Variants in PRKCE observed in about 807,000 individuals in gnomAD.
PRKCE encodes the protein protein kinase C epsilon type.
PRKCE carries 16 observed loss-of-function variants against 85.4 expected under a neutral mutation model. The observed-to-expected ratio is 0.19, with a 90% CI of 0.13 to 0.28. The LOEUF (loss-of-function observed/expected upper bound fraction) is 0.28, where lower values mean the gene tolerates loss of function less well. PRKCE is among the 10% of genes least tolerant of loss of function. The probability of loss-of-function intolerance (pLI) is 1.00; values close to 1 mark genes in which losing one functional copy is unlikely to be tolerated. For synonymous variants in PRKCE, 388 were observed against 371.5 expected (o/e 1.04, Z -0.51); for missense variants, 573 against 975.2 (o/e 0.59, Z 5.49).
intron 11 of PRKCE, among the ~76,000 whole-genome samples, chr2:46,115,797 A>G (rs1428067380): frequency 6.6e-6 from 1 of 152,232 alleles, no homozygotes; most frequent in South Asian, 2.1e-4. Flanking sequence ...ACCCCATCAC[A>G]GAGGGTACCA....
chr2:46,037,288 G>C (rs571403958), intron 10 of PRKCE, among the ~76,000 whole-genome samples: 34 of 152,300 alleles, frequency 2.2e-4, no homozygotes, highest in Admixed American at 3.9e-4. Context: ...GACTAAACAG[G>C]CGTACTGGCG....
At chr2:45,775,304 T>C (rs905289504) in intron 1 of PRKCE, among the ~76,000 whole-genome samples, 1 of 152,160 alleles carries the variant, frequency 6.6e-6, no homozygotes, top group Non-Finnish European at 1.5e-5. Flanking sequence ...GTGCCCCGTG[T>C]GCATGTACAC....
At chr2:45,685,540 G>C (rs534725618) in intron 1 of PRKCE, 2 of 151,984 alleles carry the variant, frequency 1.3e-5, no homozygotes, top group Non-Finnish European at 2.9e-5. Context: ...CTGTAATCCC[G>C]GCACTTTGGG....
At chr2:45,903,887 T>TTTTTTTGTTG (rs1553445440) in intron 2 of PRKCE, among the ~76,000 whole-genome samples, 2 of 102,612 alleles carry the variant, frequency 1.9e-5, no homozygotes, top group African/African-American at 7.1e-5. Flanking sequence ...GGCAGTTTTT[T>TTTTTTTGTTG]TTTGTTTGTT....
chr2:45,787,663 A>T (rs1686712041), intron 1 of PRKCE, among the ~76,000 whole-genome samples: 1 of 152,190 alleles, frequency 6.6e-6, no homozygotes, highest in Admixed American at 6.5e-5. Flanking sequence ...ATAAGATTTC[A>T]TCTGGAGAGG....
chr2:45,823,041 G>A (rs1249553516), intron 1 of PRKCE, among the ~76,000 whole-genome samples: 1 of 152,160 alleles, frequency 6.6e-6, no homozygotes, highest in African/African-American at 2.4e-5. Context: ...TTGACCAGGT[G>A]CCATGCTAGG....
intron 6 of PRKCE, among the ~76,000 whole-genome samples, chr2:45,995,582 C>A (rs1304454087): frequency 6.6e-6 from 1 of 152,146 alleles, no homozygotes; most frequent in Non-Finnish European, 1.5e-5. Flanking sequence ...GTTTTTCTAG[C>A]ACCATTTGTT....
Position 45,858,286 on chromosome 2 carries a change from TAAATC to T in PRKCE, c.412+15227_412+15231del, listed in dbSNP as rs530311231. The stretch of plus-strand genomic sequence containing the variant: ...CTTTTATTTTTAATTTTTTTAAACA[TAAATC>T]AAACCAGCGTCTTTTGGATTTAACA... On this transcript the variant is annotated intron_variant, in intron 2 of 14. Transcript: ENST00000306156. Among the ~76,000 whole-genome samples the T allele has an allele frequency of 4.6e-3, 706 of 152,354 alleles. 8 individuals are homozygous for T. The highest frequency in any genetic ancestry group is 0.016 in the African/African-American group (661 of 41,582).
At chr2:46,032,282 T>C (rs192195872) in intron 10 of PRKCE, among the ~76,000 whole-genome samples, 20 of 152,332 alleles carry the variant, frequency 1.3e-4, no homozygotes. Flanking sequence ...GAGCTGGGAC[T>C]GGAACTGAGA....
chr2:45,712,824 C>A (rs1318756833), intron 1 of PRKCE, among the ~76,000 whole-genome samples: 1 of 152,186 alleles, frequency 6.6e-6, no homozygotes, highest in Non-Finnish European at 1.5e-5. Context: ...AGATGTTCAA[C>A]TCCTCCAGCA....
At chr2:45,958,188 C>A (rs1364229624) in intron 2 of PRKCE, among the ~76,000 whole-genome samples, 31 of 61,312 alleles carry the variant, frequency 5.1e-4, no homozygotes, top group African/African-American at 2.3e-3. Flanking sequence ...CTATTAGGCC[C>A]GCAAAAAAAA....
intron 11 of PRKCE, among the ~76,000 whole-genome samples, chr2:46,131,748 A>C (rs956512026): frequency 1.3e-5 from 2 of 152,044 alleles, no homozygotes; most frequent in African/African-American, 2.4e-5. Context: ...CCACATGCAG[A>C]CTCTACTGCC....
intron 6 of PRKCE, among the ~76,000 whole-genome samples, chr2:45,987,158 G>A (rs1166907029): frequency 6.6e-6 from 1 of 152,136 alleles, no homozygotes; most frequent in Non-Finnish European, 1.5e-5. Flanking sequence ...AGGGCTGTGG[G>A]TCCCCAATGA....
intron 10 of PRKCE, among the ~76,000 whole-genome samples, chr2:46,060,744 C>CTTTTTTTTTTTTTTTT (rs112560158): frequency 1.4e-5 from 2 of 140,132 alleles, no homozygotes; most frequent in Admixed American, 7.1e-5. Flanking sequence ...TTTCTCTCTC[C>CTTTTTTTTTTTTTTTT]TTTTTTTTTT....
intron 1 of PRKCE, among the ~76,000 whole-genome samples, chr2:45,758,128 G>C (rs918476728): frequency 6.6e-6 from 1 of 152,234 alleles, no homozygotes; most frequent in African/African-American, 2.4e-5. Flanking sequence ...GATGGGCTGA[G>C]ACAGATTGCC....
At chr2:45,964,150 T>C (rs540535485) in intron 2 of PRKCE, among the ~76,000 whole-genome samples, 3 of 152,320 alleles carry the variant, frequency 2.0e-5, no homozygotes, top group Non-Finnish European at 4.4e-5. Context: ...TTGTTATTTG[T>C]TCGAGGGAGG....
chr2:45,779,949 A>C (rs1166279447), intron 1 of PRKCE, among the ~76,000 whole-genome samples: 1 of 152,216 alleles, frequency 6.6e-6, no homozygotes, highest in East Asian at 1.9e-4. Flanking sequence ...TTATCAATAC[A>C]TAATCAATTT....
At chr2:46,007,736 T>C (rs1705329769) in intron 9 of PRKCE, 75 bp downstream of exon 9, 19 of 1,468,346 alleles carry the variant, frequency 1.3e-5, no homozygotes, top group African/African-American at 1.4e-5. Context: ...TGATCTAAGA[T>C]TGAGAGAGGA....
At chr2:45,796,699 C>T (rs114151616) in intron 1 of PRKCE, among the ~76,000 whole-genome samples, 1,946 of 152,252 alleles carry the variant, frequency 0.013, 29 homozygotes, top group Non-Finnish European at 0.019. Context: ...CAAGGGTGAG[C>T]CATCATTCTT....
Sources: gnomAD v4.1 joint callset for allele counts (sites outside exome capture counted in the v4.1 genomes callset) on GRCh38, gnomAD v4.1.1 for gene constraint, MANE v1.5 for transcripts, NCBI Gene and HGNC (gene_info 2026-07-23, HGNC 2026-07-21) for gene names.